The following ILDR1 variants were observed in gnomAD, a reference collection of about 807,000 sequenced individuals.
ILDR1 encodes immunoglobulin like domain containing receptor 1.
ILDR1 carries 56 observed loss-of-function variants against 62.4 expected under a neutral mutation model. That is an observed-to-expected ratio of 0.90 (90% confidence interval 0.72 to 1.12). The LOEUF (loss-of-function observed/expected upper bound fraction) is 1.12, where lower values mean the gene tolerates loss of function less well. ILDR1 is among the 50% of genes most tolerant of loss of function. ILDR1 has a pLI of 0.00. For missense variants in ILDR1, 736 were observed against 710.6 expected, an observed-to-expected ratio of 1.04 and a Z score of -0.41; for synonymous variants, 284 against 277.8, an observed-to-expected ratio of 1.02 and a Z score of -0.22.
At chr3:122,041,363 T>A in the ILDR1 span, among the ~76,000 whole-genome samples, 13 of 152,278 alleles carry the variant, frequency 8.5e-5, no homozygotes, top group South Asian at 2.7e-3. Context: ...TCTCTCACTG[T>A]CTCCCTGTCT....
At chr3:122,020,839 T>A (rs1387767902) in intron 1 of ILDR1, among the ~76,000 whole-genome samples, 7 of 152,170 alleles carry the variant, frequency 4.6e-5, no homozygotes, top group Non-Finnish European at 5.9e-5. Context: ...GTTTCTAGGG[T>A]CTATATCCTG....
In ILDR1 at chr3:121,988,345, G is replaced by A; in HGVS notation, c.*22C>T. 1 of 1,608,830 alleles carries A rather than the reference G, an allele frequency of 6.2e-7. No individual in the cohort carries two copies. Among genetic ancestry groups the A allele is most frequent in the Non-Finnish European group, 8.5e-7 (1 of 1,175,180 alleles). ...ACACAGGAGCCGAGAAGTAGCCACA[G>A]AAGTTGTGCTGTGCTTGGTGACTAA... On this transcript the variant is annotated 3_prime_UTR_variant, in exon 8 of 8. Transcript: ENST00000344209.
At chr3:122,040,738 AAAAAAAAAAAAC>A in the ILDR1 span, among the ~76,000 whole-genome samples, 1 of 48,928 alleles carries the variant, frequency 2.0e-5, no homozygotes, top group African/African-American at 1.9e-4. Context: ...AAAAAAAAAG[AAAAAAAAAAAAC>A]AAGAATTAGC....
rs115852667 is a variant in ILDR1 at position 121,991,416 on chromosome 3, A to G, written c.1599+1734T>C. On this transcript the variant is annotated intron_variant, in intron 7 of 7. Transcript: ENST00000344209. The stretch of plus-strand genomic sequence containing the variant: ...TTTTTTGTTGTTGTTGTTATAATGA[A>G]GAGACCTGGTTTAGTCACTACATGA... Among the ~76,000 whole-genome samples, 584 of 152,324 alleles carry G rather than the reference A, an allele frequency of 3.8e-3. 4 individuals carry two copies. Among genetic ancestry groups the G allele is most frequent in the African/African-American group, 0.013 (531 of 41,560 alleles).
At chr3:122,049,896 C>T in the ILDR1 span, among the ~76,000 whole-genome samples, 6,844 of 152,270 alleles carry the variant, frequency 0.045, 215 homozygotes, top group South Asian at 0.1. Flanking sequence ...GTCCTTCTTC[C>T]ACCATGTGAG....
chr3:122,029,504 T>TA, the ILDR1 span, among the ~76,000 whole-genome samples: 666 of 138,508 alleles, frequency 4.8e-3, 2 homozygotes, highest in Non-Finnish European at 6.1e-3. Context: ...ACACTCCGTC[T>TA]AAAAAAAATA....
chr3:122,029,539 G>C, the ILDR1 span, among the ~76,000 whole-genome samples: 1 of 131,964 alleles, frequency 7.6e-6, no homozygotes, highest in Non-Finnish European at 1.6e-5. Flanking sequence ...TATATTTAGG[G>C]GAATGGGACT....
the ILDR1 span, among the ~76,000 whole-genome samples, chr3:122,037,350 G>A: frequency 6.6e-6 from 1 of 152,232 alleles, no homozygotes; most frequent in Admixed American, 6.5e-5. Context: ...GAGCCACTGG[G>A]GTGGAGCCAC....
the ILDR1 span, among the ~76,000 whole-genome samples, chr3:122,054,642 G>T: frequency 2.0e-4 from 31 of 152,068 alleles, 1 homozygote; most frequent in Non-Finnish European, 2.9e-5. Flanking sequence ...GTCTGGATGA[G>T]AATCGATTTT....
intron 7 of ILDR1, among the ~76,000 whole-genome samples, chr3:121,991,544 C>T (rs940716617): frequency 6.6e-6 from 1 of 152,196 alleles, no homozygotes; most frequent in Non-Finnish European, 1.5e-5. Flanking sequence ...TAGTACAAAA[C>T]ACACAGGGTT....
At chr3:121,997,372 T>G (rs1170761993) in intron 5 of ILDR1, among the ~76,000 whole-genome samples, 2 of 152,256 alleles carry the variant, frequency 1.3e-5, no homozygotes, top group Non-Finnish European at 2.9e-5. Context: ...CAGCAGATGC[T>G]TCTGGGTCCC....
intron 1 of ILDR1, among the ~76,000 whole-genome samples, chr3:122,017,877 A>T (rs2071798290): frequency 6.6e-6 from 1 of 152,216 alleles, no homozygotes; most frequent in Admixed American, 6.5e-5. Flanking sequence ...GGTGATCATT[A>T]AAAGTCAGGA....
chr3:122,037,185 C>T, the ILDR1 span, among the ~76,000 whole-genome samples: 5 of 152,334 alleles, frequency 3.3e-5, no homozygotes, highest in Admixed American at 6.5e-5. Context: ...CACAGAGTCC[C>T]CACTAGGGCA....
At chr3:122,041,496 TAC>T in the ILDR1 span, among the ~76,000 whole-genome samples, 1 of 152,196 alleles carries the variant, frequency 6.6e-6, no homozygotes, top group Non-Finnish European at 1.5e-5. Context: ...GTTTATAAAT[TAC>T]ACAGTTTCAG....
Position 121,993,578 on chromosome 3 carries a change from C to T in ILDR1, c.1171G>A (p.Glu391Lys). The T allele has an allele frequency of 1.2e-6, 2 of 1,614,232 alleles. No individual in the cohort carries two copies. Among genetic ancestry groups the T allele is most frequent in the Middle Eastern group, 1.6e-4 (1 of 6,062 alleles). The stretch of plus-strand genomic sequence containing the variant: ...CACGATGGGTCCAACTCCCTTCTTT[C>T]CAATGCCCAAGACTTTGGCCCCCGG... ...QDRGPKSWAL[E>K]RRELDPSWSG... Residue 391 changes from glutamate (E) to lysine (K), a missense_variant, in exon 7 of 8, where the codon GAA becomes AAA. Coordinates refer to ENST00000344209, the MANE Select transcript of ILDR1 (RefSeq NM_001199799.2).
chr3:122,025,712 T>G (rs1055856350), upstream of ILDR1, among the ~76,000 whole-genome samples: 6 of 152,198 alleles, frequency 3.9e-5, 1 homozygote, highest in South Asian at 2.1e-4. Flanking sequence ...TGTACAGTAT[T>G]TATCAAGAAT....
chr3:122,043,592 T>G, the ILDR1 span, among the ~76,000 whole-genome samples: 2,328 of 65,380 alleles, frequency 0.036, 320 homozygotes, highest in East Asian at 0.53. Flanking sequence ...TTTATTTCCT[T>G]GAGCAGTGGT....
At position 122,022,171 on chromosome 3, in the gene ILDR1, A is replaced by G; in HGVS notation, c.-94T>C. 8.8e-7 allele frequency: 1 copy of G among 1,131,896 alleles called. No homozygotes were observed. Among genetic ancestry groups the G allele is most frequent in the Non-Finnish European group, 1.3e-6 (1 of 783,970 alleles). 70.1% of individuals were successfully genotyped at this position (1,131,896 alleles called of 1,614,324 possible). ...GCCCCAGGACGCACCACCTTCTCCA[A>G]GGAACCCCTCGGGTTTCCCCTCCCT... On this transcript the variant is annotated 5_prime_UTR_variant, in exon 1 of 8. Transcript: ENST00000344209.
the ILDR1 span, among the ~76,000 whole-genome samples, chr3:122,028,493 T>C: frequency 6.6e-6 from 1 of 152,128 alleles, no homozygotes; most frequent in African/African-American, 2.4e-5. Context: ...AAAGACTACA[T>C]AAAATTTTTT....
Sources: gnomAD v4.1 joint callset for allele counts (sites outside exome capture counted in the v4.1 genomes callset) on GRCh38, gnomAD v4.1.1 for gene constraint, MANE v1.5 for transcripts, NCBI Gene and HGNC (gene_info 2026-07-23, HGNC 2026-07-21) for gene names.